Variants in ANKRD28 observed in about 807,000 individuals in gnomAD.
ANKRD28 encodes ankyrin repeat domain 28.
A neutral mutation model predicts 126.5 loss-of-function variants in ANKRD28; 44 were observed. The ratio of observed to expected loss-of-function variants is 0.35; its 90% CI spans 0.27 to 0.45. The LOEUF (loss-of-function observed/expected upper bound fraction) is 0.45. ANKRD28 is among the 20% of genes least tolerant of loss of function. The pLI, the probability that ANKRD28 is intolerant of heterozygous loss-of-function variation, is 1.00. For synonymous variants in ANKRD28, 442 were observed against 468.5 expected, an observed-to-expected ratio of 0.94 and a Z score of 0.73; for missense variants, 1,110 against 1,316.6, an observed-to-expected ratio of 0.84 and a Z score of 2.43.
Position 15,679,562 on chromosome 3 carries a change from A to T in ANKRD28, c.2391T>A (p.Gly797=), listed in dbSNP as rs756516648. The T allele has an allele frequency of 3.1e-6, 5 of 1,608,988 alleles. No homozygotes were observed. Among genetic ancestry groups the T allele is most frequent in the Non-Finnish European group, 4.2e-6 (5 of 1,176,904 alleles). The change falls in exon 22 of 28, where the codon GGT becomes GGA. Residue 797 remains glycine (G), a splice_region_variant and synonymous_variant. Transcript: ENST00000683139. ...YTALHWACYN[G]HETCVELLLE... is the part of the protein sequence containing the mutation. Reference sequence around the variant, plus strand: ...AAAGCAGTTCTACACATGTCTCGTGACCTAAATAGGTGTAAAGAACCAGGT... The same window carrying T: ...AAAGCAGTTCTACACATGTCTCGTGTCCTAAATAGGTGTAAAGAACCAGGT...
In ANKRD28 at chr3:15,797,542, G is replaced by A; in HGVS notation, c.-1021C>T. ...CATTTGAGCTCAAATTACTGCTTCA[G>A]GCTTTTTGTTTTCTTTAAAAAAAAA... On this transcript the variant is annotated 5_prime_UTR_variant, in exon 1 of 28. Transcript: ENST00000683139. The A allele has an allele frequency of 1.0e-6, 1 of 984,562 alleles. No homozygotes were observed. The highest frequency in any genetic ancestry group is 4.7e-5 in the South Asian group (1 of 21,264). 61.0% of individuals were successfully genotyped at this position (984,562 alleles called of 1,614,324 possible).
At chr3:15,718,825 GA>G (rs2073378542) in intron 8 of ANKRD28, among the ~76,000 whole-genome samples, 2 of 152,262 alleles carry the variant, frequency 1.3e-5, no homozygotes, top group Middle Eastern at 3.4e-3. Flanking sequence ...GTTTGCTTTT[GA>G]AAATGTCAAG....
At position 15,676,881 on chromosome 3, in the gene ANKRD28, A is replaced by G. The variant is rs540578135; in HGVS notation, c.2873+93T>C. On this transcript the variant is annotated intron_variant, in intron 26 of 27. Coordinates refer to ENST00000683139, the MANE Select transcript of ANKRD28 (RefSeq NM_001349278.2). Reference sequence around the variant, plus strand: ...TAAAATTGCTTCTATGACTAATGAAACCTATTCCAATAGTCACATGTTTAA... The same window carrying G: ...TAAAATTGCTTCTATGACTAATGAAGCCTATTCCAATAGTCACATGTTTAA... 1.3e-5 allele frequency: 13 copies of G among 1,027,490 alleles called. No homozygotes were observed. The East Asian group carries it at 2.2e-4, about 18-fold the overall frequency. The allele number at this position is 1,027,490 out of a possible 1,614,324, so 63.6% of individuals were successfully genotyped here. A position where few individuals can be genotyped will look rare whatever the true frequency, so the allele number is the denominator to read the frequency against.
At chr3:15,726,648 G>A (rs1158589933) in intron 6 of ANKRD28, among the ~76,000 whole-genome samples, 3 of 152,220 alleles carry the variant, frequency 2.0e-5, no homozygotes, top group Non-Finnish European at 4.4e-5. Flanking sequence ...ATTAATAGAA[G>A]CTGTAAAAAG....
At chr3:15,690,609 A>G (rs1183255353) in intron 17 of ANKRD28, among the ~76,000 whole-genome samples, 1 of 152,110 alleles carries the variant, frequency 6.6e-6, no homozygotes, top group East Asian at 1.9e-4. Flanking sequence ...CTGTTGCCCC[A>G]GCTGGAGTCC....
intron 1 of ANKRD28, among the ~76,000 whole-genome samples, chr3:15,825,640 CATACT>C (rs1488057629): frequency 6.6e-6 from 1 of 152,068 alleles, no homozygotes; most frequent in Admixed American, 6.6e-5. Context: ...TAAGAATGAT[CATACT>C]ATAATTTAAA....
chr3:15,834,516 G>A (rs554107995), intron 1 of ANKRD28, among the ~76,000 whole-genome samples: 24 of 152,240 alleles, frequency 1.6e-4, no homozygotes, highest in African/African-American at 5.8e-4. Flanking sequence ...ACATGGGAGA[G>A]TTTAATGATT....
chr3:15,693,664 A>G (rs1044675034), intron 17 of ANKRD28, among the ~76,000 whole-genome samples: 2 of 152,162 alleles, frequency 1.3e-5, no homozygotes, highest in African/African-American at 4.8e-5. Flanking sequence ...CATCAATAGT[A>G]AAATGGCTAT....
At chr3:15,749,101 G>GTTTTTT (rs869266246) in intron 4 of ANKRD28, among the ~76,000 whole-genome samples, 1,852 of 52,472 alleles carry the variant, frequency 0.035, 116 homozygotes, top group East Asian at 0.23. Flanking sequence ...TTATGTTTTT[G>GTTTTTT]TTTTTTTTTT....
intron 8 of ANKRD28, among the ~76,000 whole-genome samples, chr3:15,716,904 G>A (rs2073141736): frequency 6.6e-6 from 1 of 152,170 alleles, no homozygotes; most frequent in African/African-American, 2.4e-5. Flanking sequence ...TGAGGCTGAA[G>A]TGAGCTATGA....
At position 15,678,358 on chromosome 3, in the gene ANKRD28, T is replaced by G. The variant is rs750611281; in HGVS notation, c.2562-4A>C. 1 of 1,586,336 alleles carries G rather than the reference T, an allele frequency of 6.3e-7. No homozygotes were observed. Among genetic ancestry groups the G allele is most frequent in the South Asian group, 1.2e-5 (1 of 85,942 alleles). On this transcript the variant is annotated splice_region_variant and splice_polypyrimidine_tract_variant and intron_variant, in intron 23 of 27. Transcript: ENST00000683139. ...GGCGGCTGCATGGAGAGGAGTTCTG[T>G]GATAAAGAAAAATTGAAATATATGA...
chr3:15,676,053 C>G, intron 26 of ANKRD28, 64 bp from the exon 27 acceptor site: 2 of 1,351,310 alleles, frequency 1.5e-6, no homozygotes, highest in Non-Finnish European at 2.0e-6. Flanking sequence ...ACATACACAC[C>G]TGGCTGTCAA....
intron 8 of ANKRD28, among the ~76,000 whole-genome samples, chr3:15,716,150 T>G (rs567659067): frequency 6.6e-6 from 1 of 151,924 alleles, no homozygotes; most frequent in East Asian, 1.9e-4. Context: ...GCCCAGCTAA[T>G]TTTTGTATTT....
rs2060827671 is a variant in ANKRD28, at chr3:15,816,164, C to T, written c.28-20858G>A. Among the ~76,000 whole-genome samples, 1 of 152,130 alleles carries T rather than the reference C, an allele frequency of 6.6e-6. No homozygotes were observed. The highest frequency in any genetic ancestry group is 2.4e-5 in the African/African-American group (1 of 41,422). On this transcript the variant is annotated intron_variant, in intron 1 of 27. Coordinates refer to the ANKRD28 transcript ENST00000399451. The surrounding 1 kb of genome is among the most constrained non-coding windows in gnomAD (Gnocchi z 5.0). ...GTGGCTCTTGATGCTTATCAGGCAA[C>T]ATGTAATTGCAATGATTTTCATTGT...
chr3:15,806,603 C>T (rs1040456464), intron 1 of ANKRD28, among the ~76,000 whole-genome samples: 3 of 152,018 alleles, frequency 2.0e-5, no homozygotes. Flanking sequence ...CTCACTGCAA[C>T]CTCCACCTCC....
intron 4 of ANKRD28, among the ~76,000 whole-genome samples, chr3:15,749,938 G>A (rs1025589445): frequency 2.6e-5 from 4 of 152,182 alleles, no homozygotes; most frequent in Non-Finnish European, 4.4e-5. Flanking sequence ...TCTTGGTTGT[G>A]TTTCTGTTTA....
At chr3:15,742,345 C>T (rs2057107873) in intron 4 of ANKRD28, among the ~76,000 whole-genome samples, 1 of 150,372 alleles carries the variant, frequency 6.7e-6, no homozygotes, top group Non-Finnish European at 1.5e-5. Flanking sequence ...CTTCTCTGCT[C>T]GGCCGCCCAT....
chr3:15,834,321 T>C (rs1383059815), intron 1 of ANKRD28, among the ~76,000 whole-genome samples: 3 of 152,318 alleles, frequency 2.0e-5, no homozygotes, highest in South Asian at 4.1e-4. Flanking sequence ...TCGAGTGTCC[T>C]TTCCCCAGTG....
chr3:15,819,345 C>A (rs545968224), intron 1 of ANKRD28, among the ~76,000 whole-genome samples: 4 of 152,006 alleles, frequency 2.6e-5, no homozygotes, highest in African/African-American at 9.7e-5. Context: ...CAATGGAAGG[C>A]GACAGAAGAG....
Sources: allele counts gnomAD v4.1 joint callset (sites outside exome capture counted in the v4.1 genomes callset), GRCh38; gene constraint gnomAD v4.1.1; non-coding constraint Gnocchi (gnomAD v3.1); transcripts MANE v1.5; gene names NCBI Gene and HGNC (gene_info 2026-07-23, HGNC 2026-07-21).